PBX1: variants seen among roughly 807,000 people sequenced by gnomAD.
The protein encoded by PBX1 is pre-B-cell leukemia transcription factor 1.
PBX1 carries 6 observed loss-of-function variants against 53.4 expected under a neutral mutation model. The observed-to-expected ratio is 0.11, with a 90% CI of 0.06 to 0.22. The LOEUF is 0.22. PBX1 is among the 10% of genes least tolerant of loss of function. The pLI, the probability that PBX1 is intolerant of heterozygous loss-of-function variation, is 1.00. For synonymous variants in PBX1, 204 were observed against 212.3 expected (o/e 0.96, Z 0.34); for missense variants, 251 against 551.4 (o/e 0.46, Z 5.46).
chr1:164,576,471 G>T (rs545410496), intron 2 of PBX1, among the ~76,000 whole-genome samples: 115 of 152,314 alleles, frequency 7.6e-4, no homozygotes, highest in African/African-American at 2.6e-3. Context: ...CCGTTCGGGC[G>T]TGCGGCCCCC....
intron 8 of PBX1, among the ~76,000 whole-genome samples, chr1:164,838,182 T>TA (rs1291816612): frequency 2.6e-5 from 4 of 152,204 alleles, no homozygotes; most frequent in African/African-American, 9.6e-5. Flanking sequence ...TTCAAGGTAG[T>TA]AACTTCTAAC....
chr1:164,636,816 T>G (rs1331406965), intron 2 of PBX1, among the ~76,000 whole-genome samples: 4 of 152,172 alleles, frequency 2.6e-5, no homozygotes, highest in African/African-American at 9.7e-5. Flanking sequence ...TGGGGTTTCT[T>G]TCATGGCCAG....
intron 2 of PBX1, among the ~76,000 whole-genome samples, chr1:164,767,830 A>G (rs1432559170): frequency 1.3e-5 from 2 of 152,200 alleles, no homozygotes; most frequent in Non-Finnish European, 2.9e-5. Context: ...TTACACAAAA[A>G]TCACATCTGC....
At chr1:164,802,588 A>T (rs1198476813) in intron 4 of PBX1, among the ~76,000 whole-genome samples, 1 of 152,122 alleles carries the variant, frequency 6.6e-6, no homozygotes, top group Non-Finnish European at 1.5e-5. Flanking sequence ...AATCATATTT[A>T]CTATGCCATC....
At chr1:164,580,888 A>G (rs1215058601) in intron 2 of PBX1, among the ~76,000 whole-genome samples, 4 of 152,142 alleles carry the variant, frequency 2.6e-5, no homozygotes, top group African/African-American at 9.7e-5. Flanking sequence ...TCTAGAATCC[A>G]CCTGACTTCT....
At chr1:164,621,439 C>T (rs190283768) in intron 2 of PBX1, among the ~76,000 whole-genome samples, 4 of 152,222 alleles carry the variant, frequency 2.6e-5, no homozygotes, top group Admixed American at 2.0e-4. Flanking sequence ...GAGAAAGCAT[C>T]GCAAAGGACT....
chr1:164,708,226 C>T (rs575736091), intron 2 of PBX1, among the ~76,000 whole-genome samples: 71 of 152,240 alleles, frequency 4.7e-4, no homozygotes, highest in African/African-American at 1.7e-3. Flanking sequence ...TGCACGCAGC[C>T]TTTTCTTTGG....
At chr1:164,804,628 T>C (rs1571439881) in intron 4 of PBX1, among the ~76,000 whole-genome samples, 1 of 150,348 alleles carries the variant, frequency 6.7e-6, no homozygotes, top group East Asian at 2.0e-4. Flanking sequence ...AACAGGCAGC[T>C]GCTCCTCTTC....
intron 2 of PBX1, among the ~76,000 whole-genome samples, chr1:164,742,232 A>G (rs2102169686): frequency 6.6e-6 from 1 of 152,276 alleles, no homozygotes; most frequent in East Asian, 1.9e-4. Flanking sequence ...TGGAAGGCCC[A>G]TCATGTATTC....
chr1:164,809,581 A>G (rs1177199865), intron 5 of PBX1, among the ~76,000 whole-genome samples: 1 of 152,140 alleles, frequency 6.6e-6, no homozygotes, highest in Non-Finnish European at 1.5e-5. Flanking sequence ...TAGTTGCCCC[A>G]TTTACTAATC....
At chr1:164,654,657 G>A (rs114776113) in intron 2 of PBX1, among the ~76,000 whole-genome samples, 2,082 of 152,282 alleles carry the variant, frequency 0.014, 37 homozygotes, top group South Asian at 0.046. Context: ...AGATTTGGTG[G>A]CATCACATCA....
intron 2 of PBX1, among the ~76,000 whole-genome samples, chr1:164,606,124 C>A (rs1656531099): frequency 6.6e-6 from 1 of 152,200 alleles, no homozygotes; most frequent in Non-Finnish European, 1.5e-5. Flanking sequence ...AAAATTCTTT[C>A]ATTATTCAAG....
At chr1:164,806,117 G>A (rs1302273314) in intron 4 of PBX1, among the ~76,000 whole-genome samples, 4 of 152,166 alleles carry the variant, frequency 2.6e-5, no homozygotes, top group Admixed American at 2.0e-4. Context: ...AGGCAAAAGT[G>A]CTAAGTGAGC....
rs115731110 is a variant in PBX1 at position 164,785,435 on chromosome 1, A to G, written c.266-7059A>G. Among the ~76,000 whole-genome samples the G allele has an allele frequency of 2.0e-3, 308 of 152,288 alleles. 1 individual carries two copies. Among genetic ancestry groups the G allele is most frequent in the Non-Finnish European group, 3.5e-3 (237 of 68,020 alleles). On this transcript the variant is annotated intron_variant, in intron 2 of 8. Transcript: ENST00000420696. ...CAAATTAGAGCATAGTTATTTTTCA[A>G]CTTGAGGAGGTTCCGGGCTGTGGAT...
chr1:164,768,002 C>CT (rs56064016), intron 2 of PBX1, among the ~76,000 whole-genome samples: 2,030 of 148,428 alleles, frequency 0.014, 46 homozygotes, highest in African/African-American at 0.047. Context: ...TCCATATATA[C>CT]TTTTTTTTTT....
Position 164,851,326 on chromosome 1 carries a change from T to C in PBX1, c.*4650T>C. 1 of 206,072 alleles carries C rather than the reference T, an allele frequency of 4.9e-6. No homozygotes were observed. The allele number at this position is 206,072 out of a possible 1,614,324, so 12.8% of individuals were successfully genotyped here. A position where few individuals can be genotyped will look rare whatever the true frequency, so the allele number is the denominator to read the frequency against. On this transcript the variant is annotated 3_prime_UTR_variant, in exon 9 of 9. Coordinates refer to ENST00000420696, the MANE Select transcript of PBX1 (RefSeq NM_002585.4). The stretch of plus-strand genomic sequence containing the variant: ...GAAAAGTAAAGAAAGAATGCAGAAT[T>C]GTGGAGCAATGCTTTAGGAAATATT...
chr1:164,665,449 T>C (rs962089000), intron 2 of PBX1, among the ~76,000 whole-genome samples: 17 of 152,122 alleles, frequency 1.1e-4, no homozygotes, highest in Admixed American at 2.0e-4. Flanking sequence ...TATGCCTGGC[T>C]AATTTTTTTG....
At chr1:164,792,845 G>A in intron 3 of PBX1, 107 bp downstream of exon 3, 1 of 849,068 alleles carries the variant, frequency 1.2e-6, no homozygotes, top group Non-Finnish European at 1.8e-6. Context: ...CCCAGGTGCT[G>A]GCATCCCTGT....
intron 2 of PBX1, among the ~76,000 whole-genome samples, chr1:164,650,288 G>T (rs554410534): frequency 6.6e-6 from 1 of 151,396 alleles, no homozygotes; most frequent in East Asian, 1.9e-4. Context: ...CAGGGCACTG[G>T]CGTGATCTTG....
Sources: allele counts gnomAD v4.1 joint callset (sites outside exome capture counted in the v4.1 genomes callset), GRCh38; gene constraint gnomAD v4.1.1; transcripts MANE v1.5; gene names NCBI Gene and HGNC (gene_info 2026-07-23, HGNC 2026-07-21).